The following DYM variants were observed in gnomAD, a reference collection of about 807,000 sequenced individuals.
The protein encoded by DYM is dymeclin.
DYM carries 78 observed loss-of-function variants against 93.1 expected under a neutral mutation model. The ratio of observed to expected loss-of-function variants is 0.84; its 90% CI spans 0.70 to 1.01. The LOEUF is 1.01. Ranked by LOEUF, DYM falls within the 50% of genes least tolerant of loss-of-function variation. DYM has a pLI of 0.00. For synonymous variants in DYM, 321 were observed against 319.7 expected (o/e 1.00, Z -0.04); for missense variants, 789 against 845.0 (o/e 0.93, Z 0.82).
chr18:49,289,729 A>G (rs4404147), intron 8 of DYM, among the ~76,000 whole-genome samples: 7,855 of 19,116 alleles, frequency 0.41, 444 homozygotes, highest in South Asian at 0.5. Flanking sequence ...ATATATGTGT[A>G]TATATATATA....
chr18:49,221,348 C>T (rs1336210892), intron 13 of DYM, among the ~76,000 whole-genome samples: 2 of 152,008 alleles, frequency 1.3e-5, no homozygotes, highest in South Asian at 4.2e-4. Flanking sequence ...GTCGGTGTGG[C>T]GATTCCTCAG....
chr18:49,117,091 C>T (rs377676612), intron 16 of DYM, among the ~76,000 whole-genome samples: 5 of 152,186 alleles, frequency 3.3e-5, no homozygotes, highest in East Asian at 3.8e-4. Flanking sequence ...TTAAAATAAA[C>T]ATCCTTGTGT....
chr18:49,414,728 C>T (rs1004408369), intron 2 of DYM, among the ~76,000 whole-genome samples: 1 of 152,296 alleles, frequency 6.6e-6, no homozygotes, highest in African/African-American at 2.4e-5. Context: ...TTCCCAGAGA[C>T]TCTCTGGCTA....
chr18:49,183,937 C>T lies in DYM; in HGVS notation c.1626-20150G>A, dbSNP rs565221977. Among the ~76,000 whole-genome samples, 8 of 152,288 alleles carry T rather than the reference C, an allele frequency of 5.3e-5. No homozygotes were observed. In the South Asian group the frequency reaches 8.3e-4, roughly 16 times the overall value. On this transcript the variant is annotated intron_variant, in intron 14 of 17. Transcript: ENST00000675505. Reference sequence around the variant, plus strand: ...GTACTAAGAAGAGGCCTTGTGAACACGCAGTGAGAAGGCAGCCATCTGCAG... The same window carrying T: ...GTACTAAGAAGAGGCCTTGTGAACATGCAGTGAGAAGGCAGCCATCTGCAG...
chr18:49,125,997 A>G (rs2082783400), intron 15 of DYM, among the ~76,000 whole-genome samples: 2 of 152,172 alleles, frequency 1.3e-5, no homozygotes, highest in African/African-American at 4.8e-5. Context: ...ACTTTGCTAG[A>G]TGTCTAGCAT....
At chr18:49,365,695 C>T (rs1469885113) in intron 5 of DYM, among the ~76,000 whole-genome samples, 1 of 152,136 alleles carries the variant, frequency 6.6e-6, no homozygotes. Flanking sequence ...AGACCAAATG[C>T]CAGTTTAATA....
intron 16 of DYM, among the ~76,000 whole-genome samples, chr18:49,116,820 G>A (rs553201158): frequency 5.3e-5 from 8 of 152,218 alleles, no homozygotes; most frequent in African/African-American, 1.4e-4. Context: ...AAAAGAAGAC[G>A]GAGTTAACTC....
chr18:49,434,092 T>A (rs2080589071), intron 1 of DYM, among the ~76,000 whole-genome samples: 1 of 151,930 alleles, frequency 6.6e-6, no homozygotes, highest in Non-Finnish European at 1.5e-5. Flanking sequence ...ACGCCTATAA[T>A]CCCAACACTT....
At chr18:49,100,469 C>A (rs1021159496) in intron 16 of DYM, among the ~76,000 whole-genome samples, 5 of 151,974 alleles carry the variant, frequency 3.3e-5, no homozygotes, top group Admixed American at 3.3e-4. Context: ...TCCTCTAAGC[C>A]ACAAGGAATT....
intron 3 of DYM, among the ~76,000 whole-genome samples, chr18:49,389,081 A>T (rs2068927307): frequency 6.6e-6 from 1 of 152,204 alleles, no homozygotes; most frequent in Non-Finnish European, 1.5e-5. Flanking sequence ...GCTGCGTGTA[A>T]ACAAAATATA....
intron 2 of DYM, among the ~76,000 whole-genome samples, chr18:49,420,602 A>C (rs1258001490): frequency 6.6e-6 from 1 of 152,198 alleles, no homozygotes; most frequent in Non-Finnish European, 1.5e-5. Context: ...GCAACACAGA[A>C]GACGGGTGAT....
intron 15 of DYM, among the ~76,000 whole-genome samples, chr18:49,159,258 C>T (rs1448125549): frequency 6.6e-6 from 1 of 152,096 alleles, no homozygotes; most frequent in Non-Finnish European, 1.5e-5. Flanking sequence ...AAACACCACA[C>T]AGAATCTTAA....
At chr18:49,079,945 C>A (rs1386950472) in intron 17 of DYM, among the ~76,000 whole-genome samples, 1 of 150,862 alleles carries the variant, frequency 6.6e-6, no homozygotes, top group Non-Finnish European at 1.5e-5. Context: ...GGGTGGTGGC[C>A]GGGCAGAGGG....
intron 14 of DYM, among the ~76,000 whole-genome samples, chr18:49,175,493 T>C (rs771205604): frequency 9.2e-5 from 14 of 152,170 alleles, no homozygotes; most frequent in Non-Finnish European, 1.5e-4. Flanking sequence ...TTCATTCACA[T>C]TTAATTGCCT....
intron 8 of DYM, among the ~76,000 whole-genome samples, chr18:49,294,238 G>A (rs987587155): frequency 3.9e-5 from 6 of 152,196 alleles, no homozygotes; most frequent in African/African-American, 1.4e-4. Context: ...ATAGTTTGAA[G>A]TCAGGTAGCA....
chr18:49,441,289 T>C (rs2081558888), intron 1 of DYM, among the ~76,000 whole-genome samples: 1 of 44,662 alleles, frequency 2.2e-5, no homozygotes. Context: ...TATAATTATA[T>C]ATAATATAAT....
chr18:49,403,431 C>T (rs112134744), intron 2 of DYM, among the ~76,000 whole-genome samples: 1 of 152,104 alleles, frequency 6.6e-6, no homozygotes. Context: ...TTATAGTTTA[C>T]AAGGTGGTTT....
intron 6 of DYM, among the ~76,000 whole-genome samples, chr18:49,334,809 G>C (rs1444603131): frequency 6.6e-6 from 1 of 152,268 alleles, no homozygotes; most frequent in East Asian, 1.9e-4. Flanking sequence ...ATTACTGATA[G>C]AAATATGTTT....
chr18:49,324,138 CAAAAAAAAAAAAAA>C (rs59640889), intron 8 of DYM, among the ~76,000 whole-genome samples: 106 of 54,442 alleles, frequency 1.9e-3, no homozygotes, highest in East Asian at 0.019. Context: ...GGCTCTGTCT[CAAAAAAAAAAAAAA>C]AAAAAAAAAA....
Sources: gnomAD v4.1 joint callset for allele counts (sites outside exome capture counted in the v4.1 genomes callset) on GRCh38, gnomAD v4.1.1 for gene constraint, MANE v1.5 for transcripts, NCBI Gene and HGNC (gene_info 2026-07-23, HGNC 2026-07-21) for gene names.